Variants in ARFGEF1 observed in about 807,000 individuals in gnomAD.
The protein encoded by ARFGEF1 is brefeldin A-inhibited guanine nucleotide-exchange protein 1.
In ARFGEF1, 42 loss-of-function variants were observed where a neutral mutation model predicts 231.0. The observed-to-expected ratio is 0.18, with a 90% CI of 0.14 to 0.24. The LOEUF (loss-of-function observed/expected upper bound fraction) is 0.24, where lower values mean the gene tolerates loss of function less well. Ranked by LOEUF, ARFGEF1 falls within the 10% of genes least tolerant of loss-of-function variation. The pLI, the probability that ARFGEF1 is intolerant of heterozygous loss-of-function variation, is 1.00. For synonymous variants in ARFGEF1, 710 were observed against 732.3 expected (o/e 0.97, Z 0.49); for missense variants, 1,345 against 2,192.0 (o/e 0.61, Z 7.72).
chr8:67,253,070 T>C (rs1840348091), intron 18 of ARFGEF1, among the ~76,000 whole-genome samples: 2 of 152,208 alleles, frequency 1.3e-5, no homozygotes, highest in South Asian at 4.1e-4. Context: ...ATATAATGTA[T>C]ACCATTTTCC....
Position 67,211,624 on chromosome 8 carries a change from TAA to T in ARFGEF1, c.4687-11_4687-10del. On this transcript the variant is annotated splice_polypyrimidine_tract_variant and intron_variant, in intron 33 of 38. Coordinates refer to ENST00000262215, the MANE Select transcript of ARFGEF1 (RefSeq NM_006421.5). ...TTCTGTGATATTGTATCCTAATAAA[TAA>T]AAAAAAAATCACTGTAAGTATGGTT... 8 of 1,338,922 alleles carry T rather than the reference TAA, an allele frequency of 6.0e-6. No individual in the cohort carries two copies. The highest frequency in any genetic ancestry group is 2.7e-5 in the Admixed American group (1 of 36,614). 82.9% of individuals were successfully genotyped at this position (1,338,922 alleles called of 1,614,324 possible).
chr8:67,311,839 G>A (rs542656775), intron 1 of ARFGEF1, among the ~76,000 whole-genome samples: 167 of 152,316 alleles, frequency 1.1e-3, no homozygotes, highest in African/African-American at 3.7e-3. Context: ...GATGGTTGCC[G>A]TGTCTGTGTA....
Position 67,343,453 on chromosome 8 carries a change from C to T in ARFGEF1, c.-166G>A. 7.4e-7 allele frequency: 1 copy of T among 1,359,372 alleles called. No individual in the cohort carries two copies. Among genetic ancestry groups the T allele is most frequent in the East Asian group, 2.7e-5 (1 of 37,450 alleles). The allele number at this position is 1,359,372 out of a possible 1,614,324, so 84.2% of individuals were successfully genotyped here. A position where few individuals can be genotyped will look rare whatever the true frequency, so the allele number is the denominator to read the frequency against. On this transcript the variant is annotated 5_prime_UTR_variant, in exon 1 of 39. Coordinates refer to ENST00000262215, the MANE Select transcript of ARFGEF1 (RefSeq NM_006421.5). ...ATCAGGAAGGGGCGGGCGAGCGGGACCAGCCGCGGTGTCGGCGAAGGGCGT... is the reference window on the plus strand; with the variant it reads ...ATCAGGAAGGGGCGGGCGAGCGGGATCAGCCGCGGTGTCGGCGAAGGGCGT...
At chr8:67,201,265 C>T (rs1410805107) in intron 37 of ARFGEF1, among the ~76,000 whole-genome samples, 1 of 152,190 alleles carries the variant, frequency 6.6e-6, no homozygotes, top group East Asian at 1.9e-4. Context: ...CTCCTTTGTC[C>T]TGCATGTTAG....
Position 67,330,234 on chromosome 8 carries a change from T to C in ARFGEF1, c.124+12930A>G, listed in dbSNP as rs59862195. 2.5e-3 allele frequency among the ~76,000 whole-genome samples: 378 copies of C among 152,214 alleles called. 2 individuals carry two copies. The highest frequency in any genetic ancestry group is 8.7e-3 in the African/African-American group (362 of 41,582). On this transcript the variant is annotated intron_variant, in intron 1 of 38. Coordinates refer to ENST00000262215, the MANE Select transcript of ARFGEF1 (RefSeq NM_006421.5). Reference sequence around the variant, plus strand: ...TAAAAGAAAATTAAGAATTGAGAAATATTTAACTATTTCATAAGGAAAACA... The same window carrying C: ...TAAAAGAAAATTAAGAATTGAGAAACATTTAACTATTTCATAAGGAAAACA...
intron 1 of ARFGEF1, among the ~76,000 whole-genome samples, chr8:67,302,906 TAAAAAAAAAA>T (rs139020447): frequency 3.0e-4 from 31 of 102,024 alleles, no homozygotes; most frequent in African/African-American, 1.1e-3. Flanking sequence ...CCCCATCTCT[TAAAAAAAAAA>T]AAAAAAAAAA....
At chr8:67,226,852 G>A (rs1839392517) in intron 27 of ARFGEF1, among the ~76,000 whole-genome samples, 1 of 152,030 alleles carries the variant, frequency 6.6e-6, no homozygotes, top group African/African-American at 2.4e-5. Context: ...CCTTTCTGGG[G>A]CTGAGTTTCC....
At chr8:67,242,147 G>A (rs761803259) in intron 19 of ARFGEF1, among the ~76,000 whole-genome samples, 8 of 152,198 alleles carry the variant, frequency 5.3e-5, no homozygotes, top group Non-Finnish European at 8.8e-5. Context: ...TAGGCCACAA[G>A]GACTGCAACT....
chr8:67,231,372 G>T lies in ARFGEF1; in HGVS notation c.3380+1483C>A, dbSNP rs567933819. 1.1e-4 allele frequency among the ~76,000 whole-genome samples: 17 copies of T among 152,184 alleles called. No homozygotes were observed. The South Asian group carries it at 1.5e-3, about 13-fold the overall frequency. On this transcript the variant is annotated intron_variant, in intron 23 of 38. Transcript: ENST00000262215. ...TATGTTTTTAGAAGTATCTGGCGAT[G>T]ACAAGATTGTGATGACACAGTACTA...
intron 14 of ARFGEF1, 102 bp downstream of exon 14, chr8:67,265,904 C>T: frequency 9.8e-7 from 1 of 1,021,138 alleles, no homozygotes; most frequent in Middle Eastern, 2.9e-4. Flanking sequence ...TGAGAACTAT[C>T]CTCCATTTTA....
At chr8:67,204,084 A>AAACCCCTCTCTTG (rs1838428302) in intron 35 of ARFGEF1, among the ~76,000 whole-genome samples, 1 of 152,164 alleles carries the variant, frequency 6.6e-6, no homozygotes, top group Non-Finnish European at 1.5e-5. Flanking sequence ...AAAACATAGC[A>AAACCCCTCTCTTG]AACCCCTCTC....
At chr8:67,185,827 AT>A (rs1234891072) in intron 5 of ARFGEF1, among the ~76,000 whole-genome samples, 1 of 152,234 alleles carries the variant, frequency 6.6e-6, no homozygotes, top group Non-Finnish European at 1.5e-5. Context: ...CCAGAAATGC[AT>A]AAAAGTCAAA....
chr8:67,253,537 GAT>G lies in ARFGEF1; in HGVS notation c.2610_2611del (p.Ala872HisfsTer3). 1 of 1,583,120 alleles carries G rather than the reference GAT, an allele frequency of 6.3e-7. No individual in the cohort carries two copies. Among genetic ancestry groups the G allele is most frequent in the Non-Finnish European group, 8.7e-7 (1 of 1,153,056 alleles). ...CCCAGCTATTTCATTATAGATGGCT[GAT>G]AGATACTCTTCAGGAAGGTCTTTAC... On this transcript the variant is annotated frameshift_variant, in exon 18 of 39. Coordinates refer to ENST00000262215, the MANE Select transcript of ARFGEF1 (RefSeq NM_006421.5). LOFTEE classifies it high-confidence loss of function.
intron 1 of ARFGEF1, among the ~76,000 whole-genome samples, chr8:67,340,771 G>T (rs1226601784): frequency 1.3e-5 from 2 of 152,116 alleles, no homozygotes; most frequent in African/African-American, 4.8e-5. Context: ...CCCTTCCCTG[G>T]ATAGTCACAT....
chr8:67,258,311 G>A (rs1840524753), intron 15 of ARFGEF1, 21 bp from the exon 16 acceptor site: 3 of 1,445,362 alleles, frequency 2.1e-6, no homozygotes, highest in Non-Finnish European at 2.9e-6. Context: ...AACAGAGATA[G>A]AAATTGATAT....
chr8:67,235,816 A>G (rs1839713115), intron 22 of ARFGEF1, among the ~76,000 whole-genome samples: 2 of 152,176 alleles, frequency 1.3e-5, no homozygotes. Flanking sequence ...AAAAATAGAA[A>G]AAAAAGAATG....
chr8:67,337,128 CAAAAAAAAA>C (rs1160016610), intron 1 of ARFGEF1, among the ~76,000 whole-genome samples: 1 of 55,000 alleles, frequency 1.8e-5, no homozygotes, highest in African/African-American at 7.3e-5. Flanking sequence ...GACGCCGTCT[CAAAAAAAAA>C]AAAAAAAAAA....
intron 1 of ARFGEF1, among the ~76,000 whole-genome samples, chr8:67,340,731 C>T (rs1808586734): frequency 6.6e-6 from 1 of 152,172 alleles, no homozygotes; most frequent in African/African-American, 2.4e-5. Flanking sequence ...CCTCATACAT[C>T]TCAAGTAAAT....
At chr8:67,233,165 T>C (rs1839608172) in intron 22 of ARFGEF1, among the ~76,000 whole-genome samples, 1 of 152,000 alleles carries the variant, frequency 6.6e-6, no homozygotes, top group South Asian at 2.1e-4. Context: ...ACAAACTATG[T>C]TTGTAAAGAT....
Sources: allele counts gnomAD v4.1 joint callset (sites outside exome capture counted in the v4.1 genomes callset), GRCh38; gene constraint gnomAD v4.1.1; transcripts MANE v1.5; gene names NCBI Gene and HGNC (gene_info 2026-07-23, HGNC 2026-07-21).